Variants in WDR18 observed in about 807,000 individuals in gnomAD.
WDR18 encodes the protein WD repeat domain 18, also known as WD repeat-containing protein 18.
Under a neutral mutation model 49.6 loss-of-function variants are expected in WDR18, and 33 were observed. The ratio of observed to expected loss-of-function variants is 0.67; its 90% CI spans 0.50 to 0.89. WDR18 has a LOEUF of 0.89. Among genes scored for constraint, WDR18 ranks in the 40% least tolerant of loss-of-function variants. The probability of loss-of-function intolerance (pLI) is 0.00; values close to 1 mark genes in which losing one functional copy is unlikely to be tolerated. For synonymous variants in WDR18, 315 were observed against 263.6 expected, an observed-to-expected ratio of 1.19 and a Z score of -1.89; for missense variants, 653 against 593.6, an observed-to-expected ratio of 1.10 and a Z score of -1.04.
intron 2 of WDR18, among the ~76,000 whole-genome samples, chr19:987,978 C>T (rs756122756): frequency 1.4e-4 from 21 of 151,368 alleles, no homozygotes; most frequent in South Asian, 1.3e-3. Flanking sequence ...GGGAGGCGCC[C>T]GCCACCATGC....
intron 2 of WDR18, among the ~76,000 whole-genome samples, chr19:987,829 G>GTTTTTTTTGTTTTTTTTTTTTTTTTTTTT (rs2038490657): frequency 1.1e-5 from 1 of 91,822 alleles, no homozygotes; most frequent in African/African-American, 5.3e-5. Flanking sequence ...GCCGCCTCCA[G>GTTTTTTTTGTTTTTTTTTTTTTTTTTTTT]TTTTTTTTTT....
rs1449048147 is a variant in WDR18 at position 992,025 on chromosome 19, G to T, written c.1002G>T (p.Leu334=). 6.3e-7 allele frequency: 1 copy of T among 1,593,532 alleles called. No homozygotes were observed. ...TGAGCTCAGACTTCAGGCCCAGCCTGCCGCTGCCCCACTTCAACAAGCACC... is the reference window on the plus strand; with the variant it reads ...TGAGCTCAGACTTCAGGCCCAGCCTTCCGCTGCCCCACTTCAACAAGCACC... The part of the protein sequence containing the change: ...SMLSSDFRPS[L]PLPHFNKHLL... The change falls in exon 8 of 10, where the codon CTG becomes CTT. Residue 334 remains leucine, a synonymous_variant. Coordinates refer to ENST00000585809, the MANE Select transcript of WDR18 (RefSeq NM_024100.4).
In WDR18 at chr19:992,019, C is replaced by T. The variant is rs760724435; in HGVS notation, c.996C>T (p.Pro332=). 3.8e-6 allele frequency: 6 copies of T among 1,595,102 alleles called. No individual in the cohort carries two copies. In the African/African-American group the frequency reaches 4.1e-5, roughly 11 times the overall value. ...PVSMLSSDFR[P]SLPLPHFNKH... ...GCATGCTGAGCTCAGACTTCAGGCC[C>T]AGCCTGCCGCTGCCCCACTTCAACA... The change falls in exon 8 of 10, where the codon CCC becomes CCT. Residue 332 remains proline (P), a synonymous_variant. Transcript: ENST00000585809.
rs1212478314 is a variant in WDR18 at position 985,896 on chromosome 19, G to C, written c.242G>C (p.Gly81Ala). The C allele has an allele frequency of 1.2e-6, 2 of 1,613,890 alleles. No homozygotes were observed. The highest frequency in any genetic ancestry group is 8.5e-7 in the Non-Finnish European group (1 of 1,179,990). The change falls in exon 2 of 10, where the codon GGG becomes GCG. Residue 81 changes from glycine (G) to alanine (A), a missense_variant. Transcript: ENST00000585809. The stretch of plus-strand genomic sequence containing the variant: ...CTCCAGCAGAAGATCATGTGCCCCG[G>C]GCCTGTCACCTGTCTGACTGCATCA... ...DQLQQKIMCP[G>A]PVTCLTASPN...
chr19:994,119 G>C, intron 9 of WDR18, 31 bp downstream of exon 9: 1 of 1,549,578 alleles, frequency 6.5e-7, no homozygotes, highest in Non-Finnish European at 8.7e-7. Flanking sequence ...GGCGGGGCCT[G>C]AGGCTGGGGT....
intron 2 of WDR18, 54 bp downstream of exon 2, chr19:986,029 C>A: frequency 6.4e-7 from 1 of 1,563,590 alleles, no homozygotes; most frequent in Non-Finnish European, 8.8e-7. Flanking sequence ...CCCATCTGAG[C>A]TTTGCCTGCA....
chr19:994,340 A>G lies in WDR18; in HGVS notation c.1295A>G (p.Lys432Arg), dbSNP rs1400158731. The G allele has an allele frequency of 1.2e-6, 2 of 1,608,768 alleles. No individual in the cohort carries two copies. The highest frequency in any genetic ancestry group is 2.2e-5 in the East Asian group (1 of 44,780). The stretch of plus-strand genomic sequence containing the variant: ...ACGCGCTTCATCACGCGGCCGGCCA[A>G]GTGAGGCCCGGAGACCCCGGCCCGA... ...FSTRFITRPA[K>R] is the part of the protein sequence containing the mutation. The change falls in exon 10 of 10, where the codon AAG (lysine) becomes AGG (arginine). Residue 432 changes from lysine to arginine, a missense_variant. Physicochemically the swap from Lys to Arg is conservative, Grantham distance 26. Transcript: ENST00000585809.
chr19:994,210 C>T lies in WDR18; in HGVS notation c.1168-3C>T. On this transcript the variant is annotated splice_region_variant and splice_polypyrimidine_tract_variant and intron_variant, in intron 9 of 9. Transcript: ENST00000585809. ...TGCCCTCTGACCCCGACTTCTCCCG[C>T]AGAGCGTGCTCGGCGGCCAGGACCA... 1 of 1,598,712 alleles carries T rather than the reference C, an allele frequency of 6.3e-7. No homozygotes were observed. Among genetic ancestry groups the T allele is most frequent in the Non-Finnish European group, 8.5e-7 (1 of 1,175,230 alleles).
intron 1 of WDR18, 115 bp downstream of exon 1, chr19:984,678 T>C (rs1599442989): frequency 2.8e-6 from 3 of 1,067,892 alleles, no homozygotes; most frequent in Non-Finnish European, 1.2e-6. Context: ...GGAGGGGAGG[T>C]GGTCTCCGTT....
rs137978805 is a variant in WDR18, at chr19:988,029, C to T, written c.322-1733C>T. On this transcript the variant is annotated intron_variant, in intron 2 of 9. Coordinates refer to ENST00000585809, the MANE Select transcript of WDR18 (RefSeq NM_024100.4). The stretch of plus-strand genomic sequence containing the variant: ...ATTTTTATTAGAGACGGAGTTTTGC[C>T]AGGTTGGCCAGGCTGGTTTCGAACT... Among the ~76,000 whole-genome samples, 39 of 151,908 alleles carry T rather than the reference C, an allele frequency of 2.6e-4. 2 individuals are homozygous for T. Among genetic ancestry groups the T allele is most frequent in the African/African-American group, 8.9e-4 (37 of 41,400 alleles).
intron 8 of WDR18, 92 bp downstream of exon 8, chr19:992,213 G>T (rs1315636700): frequency 2.9e-6 from 4 of 1,357,056 alleles, no homozygotes; most frequent in South Asian, 3.3e-5. Context: ...CCTGGCGCCC[G>T]TGCGGCGGTT....
rs775778251 is a variant in WDR18, at chr19:991,948, C to T, written c.932-7C>T. ...ATGGGGCGGGGCCTGACCTCCGCGC[C>T]CCCCAGGCCCAGTCACCAATGCCGC... On this transcript the variant is annotated splice_region_variant and splice_polypyrimidine_tract_variant and intron_variant, in intron 7 of 9. Coordinates refer to ENST00000585809, the MANE Select transcript of WDR18 (RefSeq NM_024100.4). The T allele has an allele frequency of 2.5e-6, 4 of 1,572,188 alleles. No individual in the cohort carries two copies. Among genetic ancestry groups the T allele is most frequent in the Middle Eastern group, 1.9e-4 (1 of 5,162 alleles).
intron 8 of WDR18, among the ~76,000 whole-genome samples, chr19:992,844 C>T (rs572280925): frequency 4.6e-5 from 7 of 152,362 alleles, no homozygotes; most frequent in South Asian, 2.1e-4. Flanking sequence ...TGGTGTCTCA[C>T]GTCACTGTCT....
At chr19:991,183 G>T in intron 6 of WDR18, 38 bp downstream of exon 6, 2 of 1,466,938 alleles carry the variant, frequency 1.4e-6, no homozygotes, top group Non-Finnish European at 9.0e-7. Context: ...TCCCAGGCAC[G>T]TCCTGTCTGG....
chr19:990,786 C>G, intron 4 of WDR18, 66 bp from the exon 5 acceptor site: 1 of 1,528,600 alleles, frequency 6.5e-7, no homozygotes, highest in South Asian at 1.3e-5. Flanking sequence ...CCTGGTGCCC[C>G]TGTTCCCATG....
rs147575145 is a variant in WDR18, at chr19:994,319, G to A, written c.1274G>A (p.Arg425His). The stretch of plus-strand genomic sequence containing the variant: ...CGGGACCTGTTCGACTTCTCCACGC[G>A]CTTCATCACGCGGCCGGCCAAGTGA... ...INRDLFDFST[R>H]FITRPAK The change falls in exon 10 of 10, where the codon CGC becomes CAC. Residue 425 changes from arginine to histidine, a missense_variant. Coordinates refer to ENST00000585809, the MANE Select transcript of WDR18 (RefSeq NM_024100.4). The A allele has an allele frequency of 3.7e-6, 6 of 1,610,162 alleles. No homozygotes were observed. The highest frequency in any genetic ancestry group is 2.7e-5 in the African/African-American group (2 of 74,884).
At position 986,050 on chromosome 19, in the gene WDR18, G is replaced by A. The variant is rs909436886; in HGVS notation, c.321+75G>A. ...TGAGCTTTGCCTGCAGGGCACCAGG[G>A]AACAACCATGCGGCCTGGGGCCCTG... On this transcript the variant is annotated intron_variant, in intron 2 of 9. Transcript: ENST00000585809. 4.2e-6 allele frequency: 6 copies of A among 1,436,436 alleles called. No homozygotes were observed. The African/African-American group carries it at 5.6e-5, about 13-fold the overall frequency. The allele number at this position is 1,436,436 out of a possible 1,614,324, so 89.0% of individuals were successfully genotyped here.
Position 985,488 on chromosome 19 carries a change from G to A in WDR18, c.211-377G>A, listed in dbSNP as rs534500506. ...CCCGGCTGAGTTTTCCCATTTTAGA[G>A]AGGAGGAAGCTGAGGCTTGGGGTCT... On this transcript the variant is annotated intron_variant, in intron 1 of 9. Coordinates refer to ENST00000585809, the MANE Select transcript of WDR18 (RefSeq NM_024100.4). Among the ~76,000 whole-genome samples, 24 of 152,272 alleles carry A rather than the reference G, an allele frequency of 1.6e-4. No individual in the cohort carries two copies. In the East Asian group the frequency reaches 4.4e-3, roughly 28 times the overall value.
chr19:984,353 G>A lies in WDR18; in HGVS notation c.-1G>A. 1 of 1,590,238 alleles carries A rather than the reference G, an allele frequency of 6.3e-7. No individual in the cohort carries two copies. The highest frequency in any genetic ancestry group is 8.5e-7 in the Non-Finnish European group (1 of 1,170,646). The stretch of plus-strand genomic sequence containing the variant: ...ACGTCCGGGGCGGTGGGGAAGGCAA[G>A]ATGGCGGCGCCCATGGAGGTGGCCG... On this transcript the variant is annotated 5_prime_UTR_variant, in exon 1 of 10. Transcript: ENST00000585809.
Sources: allele counts gnomAD v4.1 joint callset (sites outside exome capture counted in the v4.1 genomes callset), GRCh38; gene constraint gnomAD v4.1.1; transcripts MANE v1.5; gene names NCBI Gene and HGNC (gene_info 2026-07-23, HGNC 2026-07-21).